Variants in PLCB1 observed in about 807,000 individuals in gnomAD.
PLCB1 encodes the protein phospholipase C beta 1, also known as 1-phosphatidylinositol 4,5-bisphosphate phosphodiesterase beta-1.
Under a neutral mutation model 161.8 loss-of-function variants are expected in PLCB1, and 46 were observed. The observed-to-expected ratio is 0.28, with a 90% CI of 0.22 to 0.36. The LOEUF (loss-of-function observed/expected upper bound fraction) is 0.36. Among genes scored for constraint, PLCB1 ranks in the 10% least tolerant of loss-of-function variants. PLCB1 has a pLI of 1.00. For missense variants in PLCB1, 1,016 were observed against 1,472.5 expected, an observed-to-expected ratio of 0.69 and a Z score of 5.07; for synonymous variants, 517 against 503.7, an observed-to-expected ratio of 1.03 and a Z score of -0.35.
At chr20:8,879,494 A>G (rs1427204338) in intron 31 of PLCB1, among the ~76,000 whole-genome samples, 1 of 152,192 alleles carries the variant, frequency 6.6e-6, no homozygotes, top group African/African-American at 2.4e-5. Context: ...AGTTAAGTTC[A>G]TGTATAGTCA....
At chr20:8,325,105 G>A (rs1435879461) in intron 2 of PLCB1, among the ~76,000 whole-genome samples, 1 of 152,148 alleles carries the variant, frequency 6.6e-6, no homozygotes, top group Non-Finnish European at 1.5e-5. Flanking sequence ...AATAATGGGA[G>A]TTAACAGGTG....
At chr20:8,294,514 A>G (rs1386890748) in intron 2 of PLCB1, among the ~76,000 whole-genome samples, 1 of 151,886 alleles carries the variant, frequency 6.6e-6, no homozygotes, top group African/African-American at 2.4e-5. Context: ...GTATATATTT[A>G]TACATATTTA....
chr20:8,140,721 A>G (rs901606543), intron 1 of PLCB1, among the ~76,000 whole-genome samples: 14 of 152,220 alleles, frequency 9.2e-5, no homozygotes, highest in Non-Finnish European at 4.4e-5. Flanking sequence ...GGCCAAATTC[A>G]GTGTCCTTTC....
At chr20:8,283,406 T>C (rs1982969023) in intron 2 of PLCB1, among the ~76,000 whole-genome samples, 1 of 151,952 alleles carries the variant, frequency 6.6e-6, no homozygotes, top group Non-Finnish European at 1.5e-5. Context: ...TTCATTTCAT[T>C]ACTTTACTGC....
chr20:8,146,037 C>T (rs1480466815), intron 1 of PLCB1, among the ~76,000 whole-genome samples: 3 of 151,824 alleles, frequency 2.0e-5, no homozygotes, highest in East Asian at 1.9e-4. Context: ...GGGGCCATGT[C>T]GCTTCCAAGG....
intron 1 of PLCB1, among the ~76,000 whole-genome samples, chr20:8,141,632 A>G (rs2051404699): frequency 6.6e-6 from 1 of 152,092 alleles, no homozygotes; most frequent in Non-Finnish European, 1.5e-5. Context: ...GAAAAAAAAA[A>G]AAAAAAAAAG....
At chr20:8,390,788 AGTTATTAAGGTCACAAGCTCTTG>A (rs1987564265) in intron 3 of PLCB1, among the ~76,000 whole-genome samples, 1 of 152,092 alleles carries the variant, frequency 6.6e-6, no homozygotes, top group Admixed American at 6.6e-5. Flanking sequence ...ATAAGAGTAT[AGTTATTAAGGTCACAAGCTCTTG>A]GGTCAGAAAG....
At chr20:8,424,303 A>G (rs938524332) in intron 3 of PLCB1, among the ~76,000 whole-genome samples, 3 of 152,204 alleles carry the variant, frequency 2.0e-5, no homozygotes, top group African/African-American at 7.2e-5. Flanking sequence ...GGGAATCCAG[A>G]TGTTTATTTT....
intron 9 of PLCB1, among the ~76,000 whole-genome samples, chr20:8,662,019 A>ATTT (rs1989650286): frequency 5.7e-5 from 1 of 17,558 alleles, no homozygotes; most frequent in Non-Finnish European, 1.3e-4. Context: ...AATTATATAT[A>ATTT]ATATACAATT....
At position 8,678,565 on chromosome 20, in the gene PLCB1, C is replaced by T. The variant is rs74445925; in HGVS notation, c.863-6367C>T. ...AATAATTCTAAATTTAGCAGATAAC[C>T]CTTGGCTTCTCGACCATGTTGTTTT... On this transcript the variant is annotated intron_variant, in intron 9 of 31. Coordinates refer to ENST00000338037, the MANE Select transcript of PLCB1 (RefSeq NM_015192.4). Among the ~76,000 whole-genome samples, 1,120 of 152,246 alleles carry T rather than the reference C, an allele frequency of 7.4e-3. 14 individuals carry two copies. Among genetic ancestry groups the T allele is most frequent in the African/African-American group, 0.026 (1,071 of 41,538 alleles).
In PLCB1 at chr20:8,324,473, A is replaced by G. The variant is rs372451972; in HGVS notation, c.178-46909A>G. Among the ~76,000 whole-genome samples, 4 of 152,334 alleles carry G rather than the reference A, an allele frequency of 2.6e-5. No individual in the cohort carries two copies. The East Asian group carries it at 7.7e-4, about 29-fold the overall frequency. On this transcript the variant is annotated intron_variant, in intron 2 of 31. Coordinates refer to ENST00000338037, the MANE Select transcript of PLCB1 (RefSeq NM_015192.4). ...CATAGTTGATTTCTTACTATAAATT[A>G]TGATTTATGTATCATAAATAGCATA...
At chr20:8,171,851 A>G (rs1198316718) in intron 2 of PLCB1, among the ~76,000 whole-genome samples, 2 of 152,188 alleles carry the variant, frequency 1.3e-5, no homozygotes, top group African/African-American at 2.4e-5. Context: ...TGTAAAGTCC[A>G]TGCAAGCCAG....
At chr20:8,823,870 T>C (rs1230162828) in intron 31 of PLCB1, among the ~76,000 whole-genome samples, 1 of 152,114 alleles carries the variant, frequency 6.6e-6, no homozygotes, top group Non-Finnish European at 1.5e-5. Flanking sequence ...TGGGACACTT[T>C]CCACCATATC....
At chr20:8,259,369 C>A (rs187627222) in intron 2 of PLCB1, among the ~76,000 whole-genome samples, 2 of 152,202 alleles carry the variant, frequency 1.3e-5, no homozygotes, top group East Asian at 3.9e-4. Flanking sequence ...CTAATTAGAG[C>A]ACTTTGGGAG....
At chr20:8,570,483 C>T (rs1324296659) in intron 3 of PLCB1, among the ~76,000 whole-genome samples, 1 of 152,162 alleles carries the variant, frequency 6.6e-6, no homozygotes, top group Non-Finnish European at 1.5e-5. Flanking sequence ...AGAGGAAACA[C>T]AACTGCACTT....
Position 8,773,526 on chromosome 20 carries a change from T to C in PLCB1, c.2931-1013T>C, listed in dbSNP as rs111278655. The stretch of plus-strand genomic sequence containing the variant: ...AACAATGCAGAGAAAGTCATACTGC[T>C]AAGAGGAAGCATTCGAAATATTTTA... On this transcript the variant is annotated intron_variant, in intron 26 of 31. Transcript: ENST00000338037. Among the ~76,000 whole-genome samples the C allele has an allele frequency of 2.6e-3, 402 of 152,348 alleles. 1 individual carries two copies. The highest frequency in any genetic ancestry group is 9.1e-3 in the African/African-American group (378 of 41,584).
intron 31 of PLCB1, among the ~76,000 whole-genome samples, chr20:8,875,008 A>G (rs1987730538): frequency 6.6e-6 from 1 of 151,948 alleles, no homozygotes; most frequent in Non-Finnish European, 1.5e-5. Flanking sequence ...GAATTAAATT[A>G]AATTAATCAA....
chr20:8,628,533 G>T, intron 4 of PLCB1, 102 bp downstream of exon 4: 1 of 1,239,926 alleles, frequency 8.1e-7, no homozygotes. Flanking sequence ...TATTTAGCAT[G>T]TGTTAAAATT....
intron 3 of PLCB1, among the ~76,000 whole-genome samples, chr20:8,441,134 A>G (rs1391142188): frequency 1.3e-5 from 2 of 152,190 alleles, no homozygotes; most frequent in South Asian, 2.1e-4. Context: ...CAATGTTCCA[A>G]TTATTATTGA....
Sources: gnomAD v4.1 joint callset for allele counts (sites outside exome capture counted in the v4.1 genomes callset) on GRCh38, gnomAD v4.1.1 for gene constraint, MANE v1.5 for transcripts, NCBI Gene and HGNC (gene_info 2026-07-23, HGNC 2026-07-21) for gene names.